The following RGL1 variants were observed in gnomAD, a reference collection of about 807,000 sequenced individuals.
RGL1 encodes ral guanine nucleotide dissociation stimulator like 1.
Under a neutral mutation model 95.2 loss-of-function variants are expected in RGL1, and 24 were observed. The observed-to-expected ratio is 0.25, with a 90% CI of 0.18 to 0.35. RGL1 has a LOEUF of 0.35. RGL1 is among the 10% of genes least tolerant of loss of function. The pLI is 1.00. For synonymous variants in RGL1, 329 were observed against 344.9 expected (o/e 0.95, Z 0.51); for missense variants, 715 against 936.3 (o/e 0.76, Z 3.08).
At chr1:183,682,397 T>C (rs1653281102) in intron 1 of RGL1, among the ~76,000 whole-genome samples, 1 of 152,222 alleles carries the variant, frequency 6.6e-6, no homozygotes, top group Non-Finnish European at 1.5e-5. Flanking sequence ...AAAGAACATC[T>C]TTATTTCTGC....
intron 1 of RGL1, among the ~76,000 whole-genome samples, chr1:183,722,462 A>G (rs1656064447): frequency 6.6e-6 from 1 of 152,168 alleles, no homozygotes; most frequent in African/African-American, 2.4e-5. Context: ...TGAAAGGTAT[A>G]AACTCACAGA....
intron 1 of RGL1, among the ~76,000 whole-genome samples, chr1:183,737,406 T>C (rs1439302100): frequency 2.0e-5 from 3 of 152,084 alleles, no homozygotes; most frequent in Admixed American, 1.3e-4. Flanking sequence ...ATAGAAGAAA[T>C]AAGTTATGAT....
At chr1:183,668,966 C>G (rs1324545708) in intron 1 of RGL1, among the ~76,000 whole-genome samples, 1 of 119,340 alleles carries the variant, frequency 8.4e-6, no homozygotes, top group East Asian at 2.6e-4. Context: ...GAGATGGAGT[C>G]TCACTCTGTC....
intron 2 of RGL1, among the ~76,000 whole-genome samples, chr1:183,744,740 A>T (rs1462394188): frequency 6.6e-6 from 1 of 152,100 alleles, no homozygotes; most frequent in Non-Finnish European, 1.5e-5. Flanking sequence ...GTTTCACTTT[A>T]TTCATGTTTA....
intron 1 of RGL1, among the ~76,000 whole-genome samples, chr1:183,668,661 G>C (rs1430243683): frequency 6.6e-6 from 1 of 151,680 alleles, no homozygotes; most frequent in Non-Finnish European, 1.5e-5. Flanking sequence ...CTATGCCTAA[G>C]CATAGTTTTT....
chr1:183,846,897 T>C (rs562922069), intron 2 of RGL1, among the ~76,000 whole-genome samples: 8 of 151,984 alleles, frequency 5.3e-5, no homozygotes, highest in African/African-American at 1.9e-4. Flanking sequence ...AGAATGAGTT[T>C]GAAAACTTTC....
intron 2 of RGL1, among the ~76,000 whole-genome samples, chr1:183,807,347 G>C (rs1486663777): frequency 6.6e-6 from 1 of 152,248 alleles, no homozygotes; most frequent in African/African-American, 2.4e-5. Flanking sequence ...AGAGGGGGTG[G>C]AGTGTGATTT....
At chr1:183,702,420 G>C (rs916559755) in intron 1 of RGL1, among the ~76,000 whole-genome samples, 10 of 152,108 alleles carry the variant, frequency 6.6e-5, no homozygotes, top group Non-Finnish European at 1.3e-4. Context: ...AGTTAATAAG[G>C]CTTTATTTCC....
intron 14 of RGL1, among the ~76,000 whole-genome samples, chr1:183,910,196 A>G (rs1486650305): frequency 2.0e-5 from 3 of 152,016 alleles, no homozygotes; most frequent in Non-Finnish European, 4.4e-5. Flanking sequence ...TCCTGGGTTC[A>G]TGCAATTCTT....
intron 1 of RGL1, among the ~76,000 whole-genome samples, chr1:183,686,538 T>C (rs1003115286): frequency 1.3e-5 from 2 of 152,224 alleles, no homozygotes; most frequent in African/African-American, 2.4e-5. Flanking sequence ...GTTGGATTTA[T>C]TGGGCACTGG....
chr1:183,926,513 C>A lies in RGL1; in HGVS notation c.*221C>A. On this transcript the variant is annotated 3_prime_UTR_variant, in exon 18 of 18. Transcript: ENST00000360851. The stretch of plus-strand genomic sequence containing the variant: ...AACGATTCACTGATTCTCTTTGACT[C>A]ATTTGAGACTAAAATGCAGAATTAC... 2.7e-6 allele frequency: 1 copy of A among 373,044 alleles called. No individual in the cohort carries two copies. Among genetic ancestry groups the A allele is most frequent in the South Asian group, 5.3e-5 (1 of 18,922 alleles). The allele number at this position is 373,044 out of a possible 1,614,324, so 23.1% of individuals were successfully genotyped here.
intron 1 of RGL1, among the ~76,000 whole-genome samples, chr1:183,655,183 T>G (rs1413756463): frequency 6.6e-6 from 1 of 152,240 alleles, no homozygotes; most frequent in Non-Finnish European, 1.5e-5. Flanking sequence ...CCTGCAATGA[T>G]CTAAATTTTT....
rs570088748 is a variant in RGL1 at position 183,794,512 on chromosome 1, T to G, written c.133-11863T>G. On this transcript the variant is annotated intron_variant, in intron 2 of 18. Transcript: ENST00000304685. ...TTACCCTGATTTGCTCACTGCACAT[T>G]GTATGCATTTATCAAACTATCACAT... 3.3e-5 allele frequency among the ~76,000 whole-genome samples: 5 copies of G among 152,380 alleles called. No individual in the cohort carries two copies. The East Asian group carries it at 9.6e-4, about 29-fold the overall frequency.
At chr1:183,866,370 C>T (rs949434913) in intron 4 of RGL1, among the ~76,000 whole-genome samples, 3 of 152,090 alleles carry the variant, frequency 2.0e-5, no homozygotes, top group African/African-American at 7.2e-5. Flanking sequence ...CAGAAAGAGA[C>T]AAAGAATACA....
chr1:183,689,928 T>A (rs1310770719), intron 1 of RGL1, among the ~76,000 whole-genome samples: 1 of 152,150 alleles, frequency 6.6e-6, no homozygotes, highest in Non-Finnish European at 1.5e-5. Flanking sequence ...ACCAGTTAGG[T>A]TTAAGGGCCT....
At chr1:183,792,601 G>T (rs1477006459) in intron 2 of RGL1, among the ~76,000 whole-genome samples, 4 of 151,968 alleles carry the variant, frequency 2.6e-5, no homozygotes, top group Non-Finnish European at 5.9e-5. Flanking sequence ...ACTGATAAGA[G>T]AATTCAGTAA....
At chr1:183,650,827 C>T (rs917352446) in intron 1 of RGL1, among the ~76,000 whole-genome samples, 1 of 151,598 alleles carries the variant, frequency 6.6e-6, no homozygotes, top group Admixed American at 6.6e-5. Flanking sequence ...TTGTTTATCC[C>T]AATTTGAGAA....
At chr1:183,895,869 C>T (rs776394934) in intron 9 of RGL1, among the ~76,000 whole-genome samples, 7 of 152,150 alleles carry the variant, frequency 4.6e-5, no homozygotes, top group Non-Finnish European at 1.0e-4. Flanking sequence ...ATGGAATCAA[C>T]AAGTCTTGTA....
intron 1 of RGL1, among the ~76,000 whole-genome samples, chr1:183,686,376 A>AC (rs112551772): frequency 3.3e-5 from 5 of 151,862 alleles, no homozygotes; most frequent in African/African-American, 7.2e-5. Flanking sequence ...AGGTAGGGGC[A>AC]CCCCATCTTC....
Sources: gnomAD v4.1 joint callset for allele counts (sites outside exome capture counted in the v4.1 genomes callset) on GRCh38, gnomAD v4.1.1 for gene constraint, MANE v1.5 for transcripts, NCBI Gene and HGNC (gene_info 2026-07-23, HGNC 2026-07-21) for gene names.